The following ZNF516 variants were observed in gnomAD, a reference collection of about 807,000 sequenced individuals.
The protein encoded by ZNF516 is zinc finger protein 516.
ZNF516 carries 19 observed loss-of-function variants against 79.7 expected under a neutral mutation model. The ratio of observed to expected loss-of-function variants is 0.24; its 90% CI spans 0.17 to 0.35. The LOEUF is 0.35. Among genes scored for constraint, ZNF516 ranks in the 10% least tolerant of loss-of-function variants. The pLI is 1.00. For missense variants in ZNF516, 1,678 were observed against 1,679.5 expected (o/e 1.00, Z 0.02); for synonymous variants, 877 against 739.5 (o/e 1.19, Z -3.02).
chr18:76,476,847 C>T (rs758997889), intron 1 of ZNF516, among the ~76,000 whole-genome samples: 1 of 152,118 alleles, frequency 6.6e-6, no homozygotes, highest in Non-Finnish European at 1.5e-5. Context: ...GCTCTTGAGC[C>T]CCCCAGATGT....
At chr18:76,403,304 A>T (rs552009886) in intron 3 of ZNF516, among the ~76,000 whole-genome samples, 56 of 152,262 alleles carry the variant, frequency 3.7e-4, no homozygotes, top group South Asian at 1.0e-3. Context: ...TCTCATACAC[A>T]TGCAGTCAGA....
chr18:76,371,699 C>G (rs1031869242), intron 4 of ZNF516, 128 bp from the exon 5 acceptor site: 1 of 718,714 alleles, frequency 1.4e-6, no homozygotes, highest in Non-Finnish European at 2.3e-6. Context: ...TCATGTGAGG[C>G]TCCCTTCAGG....
chr18:76,377,809 G>A (rs564945800), intron 4 of ZNF516, among the ~76,000 whole-genome samples: 3 of 150,480 alleles, frequency 2.0e-5, no homozygotes, highest in African/African-American at 7.3e-5. Flanking sequence ...TCCGCCTCCT[G>A]GGTTCAAGCA....
Position 76,379,291 on chromosome 18 carries a change from C to A in ZNF516, c.2823G>T (p.Ala941=), listed in dbSNP as rs538615519. Residue 941 remains alanine, a synonymous_variant, in exon 4 of 7, where the codon GCG becomes GCT. Transcript: ENST00000443185. ...CAGGCTTGCTATTGGCCGAGGGCTG[C>A]GCGCCAGCCCGGGCGATGACGGTGG... ...PTPTVIARAG[A]QPSANSKPVE... The A allele has an allele frequency of 1.9e-6, 3 of 1,609,328 alleles. No individual in the cohort carries two copies. Among genetic ancestry groups the A allele is most frequent in the Non-Finnish European group, 2.5e-6 (3 of 1,177,822 alleles).
chr18:76,371,961 T>C (rs889560136), intron 4 of ZNF516, among the ~76,000 whole-genome samples: 3 of 151,492 alleles, frequency 2.0e-5, no homozygotes, highest in Admixed American at 1.3e-4. Flanking sequence ...TCATGGAAAA[T>C]AGGAAGTGAG....
At position 76,448,358 on chromosome 18, in the gene ZNF516, A is replaced by G. The variant is rs529833489; in HGVS notation, c.-157-5147T>C. 9.2e-5 allele frequency among the ~76,000 whole-genome samples: 14 copies of G among 152,360 alleles called. No homozygotes were observed. In the East Asian group the frequency reaches 2.3e-3, roughly 25 times the overall value. On this transcript the variant is annotated intron_variant, in intron 2 of 6. Transcript: ENST00000443185. ...TACTCTGTAGGCCAGTATTTCAACT[A>G]ATCAATCCCTTCTGTAAGTGAGGAA...
rs374017811 is a variant in ZNF516 at position 76,379,329 on chromosome 18, C to T, written c.2785G>A (p.Ala929Thr). The T allele has an allele frequency of 9.3e-5, 149 of 1,596,644 alleles. 1 individual carries two copies. The African/African-American group carries it at 1.7e-3, about 19-fold the overall frequency. ...GCGATGACGGTGGGCGTAGGGGTGG[C>T]GCTCCTGCTGAAGCCCCCGCCACCC... is the stretch of plus-strand genomic sequence containing the variant. ...APGGGGFSRS[A>T]TPTPTVIARA... is the part of the protein sequence containing the mutation. Residue 929 changes from alanine to threonine, a missense_variant, in exon 4 of 7, where the codon GCC becomes ACC. Ala to Thr is a moderately conservative substitution (Grantham distance 58, BLOSUM62 0). This residue lies in a region of ZNF516 where 1,294 missense variants were observed against 1,248.3 expected (regional missense o/e 1.04). Transcript: ENST00000443185.
chr18:76,447,672 G>A (rs957616736), intron 2 of ZNF516, among the ~76,000 whole-genome samples: 1 of 152,208 alleles, frequency 6.6e-6, no homozygotes, highest in African/African-American at 2.4e-5. Context: ...TGGCGCCCAC[G>A]CACCTCGGAC....
chr18:76,395,488 G>A (rs147384077), intron 3 of ZNF516, among the ~76,000 whole-genome samples: 16 of 152,314 alleles, frequency 1.1e-4, no homozygotes, highest in African/African-American at 3.8e-4. Context: ...AGCGCAAGAT[G>A]AATTCGTTAA....
At chr18:76,461,718 CTCCA>C (rs926549263) in intron 2 of ZNF516, among the ~76,000 whole-genome samples, 1 of 152,242 alleles carries the variant, frequency 6.6e-6, no homozygotes, top group African/African-American at 2.4e-5. Context: ...CTCTTCAGGT[CTCCA>C]TCCAAGATTC....
intron 3 of ZNF516, among the ~76,000 whole-genome samples, chr18:76,402,597 G>A (rs1197685900): frequency 1.3e-5 from 2 of 152,108 alleles, no homozygotes; most frequent in African/African-American, 4.8e-5. Context: ...ACTTACACTC[G>A]GGCACTCACG....
At chr18:76,426,221 A>C (rs1181250191) in intron 3 of ZNF516, among the ~76,000 whole-genome samples, 8 of 152,232 alleles carry the variant, frequency 5.3e-5, no homozygotes, top group Non-Finnish European at 1.2e-4. Flanking sequence ...AAAGAAAGCA[A>C]ACTCTGAAGG....
intron 1 of ZNF516, among the ~76,000 whole-genome samples, chr18:76,463,393 C>G (rs942573304): frequency 6.6e-6 from 1 of 152,230 alleles, no homozygotes; most frequent in Admixed American, 6.5e-5. Context: ...ACAGCACAAA[C>G]GCAGCAGCGA....
chr18:76,367,865 T>C (rs899151839), intron 6 of ZNF516, among the ~76,000 whole-genome samples: 2 of 152,226 alleles, frequency 1.3e-5, no homozygotes, highest in Non-Finnish European at 2.9e-5. Flanking sequence ...CAAATACTGT[T>C]TCAATTACAT....
At chr18:76,486,686 G>GAAA (rs11464561) in intron 1 of ZNF516, among the ~76,000 whole-genome samples, 1 of 142,454 alleles carries the variant, frequency 7.0e-6, no homozygotes, top group African/African-American at 2.7e-5. Context: ...GGTTTTGAAG[G>GAAA]AAAAAAAAAA....
chr18:76,407,480 G>A (rs925316722), intron 3 of ZNF516, among the ~76,000 whole-genome samples: 2 of 152,232 alleles, frequency 1.3e-5, no homozygotes, highest in Admixed American at 6.5e-5. Flanking sequence ...GTTCAATGTC[G>A]GGACAGGGGC....
In ZNF516 at chr18:76,451,628, C is replaced by T. The variant is rs775925640; in HGVS notation, c.-157-8417G>A. 6.6e-5 allele frequency among the ~76,000 whole-genome samples: 10 copies of T among 152,262 alleles called. No homozygotes were observed. The highest frequency in any genetic ancestry group is 1.2e-4 in the Non-Finnish European group (8 of 68,020). On this transcript the variant is annotated intron_variant, in intron 2 of 6. Coordinates refer to ENST00000443185, the MANE Select transcript of ZNF516 (RefSeq NM_014643.4). The surrounding 1 kb of genome is among the most constrained non-coding windows in gnomAD (Gnocchi z 6.0). ...CCGGCCACAGCTACTACGGGGTCGG[C>T]GCAGAAGCCCGTGCGTGTGCTGAGT...
Position 76,379,222 on chromosome 18 carries a change from G to A in ZNF516, c.2892C>T (p.Pro964=). The A allele has an allele frequency of 6.2e-7, 1 of 1,612,838 alleles. No individual in the cohort carries two copies. Among genetic ancestry groups the A allele is most frequent in the Non-Finnish European group, 8.5e-7 (1 of 1,179,746 alleles). Residue 964 remains proline (P), a synonymous_variant, in exon 4 of 7, where the codon CCC becomes CCT. Transcript: ENST00000443185. ...AGTCCGGGGCACTGTGCTTATTTGT[G>A]GGGGCAAAGCCAGCCCCCGCTGGGG... ...GVPPAGAGFA[P]TNKHSAPDSL...
At chr18:76,407,629 A>G (rs2075320510) in intron 3 of ZNF516, among the ~76,000 whole-genome samples, 2 of 152,184 alleles carry the variant, frequency 1.3e-5, no homozygotes, top group African/African-American at 4.8e-5. Flanking sequence ...TTCTAGCAAC[A>G]CTGCCATTTC....
Sources: allele counts gnomAD v4.1 joint callset (sites outside exome capture counted in the v4.1 genomes callset), GRCh38; gene constraint gnomAD v4.1.1; regional missense constraint gnomAD v4.1.1; non-coding constraint Gnocchi (gnomAD v3.1); transcripts MANE v1.5; gene names NCBI Gene and HGNC (gene_info 2026-07-23, HGNC 2026-07-21).